Variants in NOX3 observed in about 807,000 individuals in gnomAD.
NOX3 encodes NADPH oxidase 3, also known as NADPH oxidase catalytic subunit-like 3.
In NOX3, 74 loss-of-function variants were observed where a neutral mutation model predicts 76.7. The ratio of observed to expected loss-of-function variants is 0.96; its 90% CI spans 0.80 to 1.17. NOX3 has a LOEUF of 1.17. Among genes scored for constraint, NOX3 ranks in the 50% most tolerant of loss-of-function variants. The pLI is 0.00. For synonymous variants in NOX3, 263 were observed against 261.1 expected (o/e 1.01, Z -0.07); for missense variants, 695 against 703.3 (o/e 0.99, Z 0.13).
chr6:155,447,626 T>TC (rs1333453511), intron 4 of NOX3, among the ~76,000 whole-genome samples: 1 of 152,228 alleles, frequency 6.6e-6, no homozygotes, highest in East Asian at 1.9e-4. Context: ...CACTTTAAAG[T>TC]TCATGTCTTA....
intron 10 of NOX3, among the ~76,000 whole-genome samples, chr6:155,417,211 T>A (rs572615197): frequency 2.0e-5 from 3 of 152,312 alleles, no homozygotes; most frequent in Non-Finnish European, 2.9e-5. Flanking sequence ...TTACACTTCC[T>A]CTGCCTTCTA....
chr6:155,452,234 C>A (rs1035964047), intron 4 of NOX3, among the ~76,000 whole-genome samples: 1 of 152,086 alleles, frequency 6.6e-6, no homozygotes, highest in African/African-American at 2.4e-5. Flanking sequence ...TTTCAAGGTG[C>A]GGAAAAGATT....
At chr6:155,438,568 A>AC (rs1282415073) in intron 6 of NOX3, among the ~76,000 whole-genome samples, 4 of 152,156 alleles carry the variant, frequency 2.6e-5, no homozygotes, top group African/African-American at 9.7e-5. Flanking sequence ...CAGAACTGCC[A>AC]CCCCCTTCCA....
At chr6:155,403,749 C>T (rs763242015) in intron 12 of NOX3, among the ~76,000 whole-genome samples, 3 of 152,160 alleles carry the variant, frequency 2.0e-5, no homozygotes, top group Non-Finnish European at 4.4e-5. Context: ...GCCCACTTCT[C>T]AGCACTGAGT....
chr6:155,429,135 G>A, intron 8 of NOX3, 88 bp from the exon 9 acceptor site: 13 of 1,315,976 alleles, frequency 9.9e-6, no homozygotes, highest in Non-Finnish European at 1.3e-5. Context: ...GAAAATTTTA[G>A]ATCAGCTTGT....
chr6:155,454,666 C>T, intron 3 of NOX3, 145 bp downstream of exon 3: 1 of 583,920 alleles, frequency 1.7e-6, no homozygotes, highest in East Asian at 3.0e-5. Context: ...GTTTTTCTGT[C>T]TTAGCCTTTC....
intron 12 of NOX3, among the ~76,000 whole-genome samples, chr6:155,400,298 C>A (rs1389723927): frequency 6.6e-6 from 1 of 152,178 alleles, no homozygotes; most frequent in African/African-American, 2.4e-5. Context: ...GCCCTTCTCT[C>A]CTTAAATTGT....
intron 12 of NOX3, among the ~76,000 whole-genome samples, chr6:155,398,885 G>C (rs1004102692): frequency 1.3e-5 from 2 of 152,206 alleles, no homozygotes; most frequent in African/African-American, 2.4e-5. Context: ...TGCAGGTCTG[G>C]CCGCTGGTCC....
At chr6:155,427,029 G>GCA (rs1776766776) in intron 9 of NOX3, among the ~76,000 whole-genome samples, 2 of 136,782 alleles carry the variant, frequency 1.5e-5, no homozygotes, top group African/African-American at 5.7e-5. Context: ...GTGTGTGTGT[G>GCA]CTGGGGGGGT....
At chr6:155,429,743 C>T (rs1179332405) in intron 8 of NOX3, among the ~76,000 whole-genome samples, 2 of 152,146 alleles carry the variant, frequency 1.3e-5, no homozygotes, top group African/African-American at 4.8e-5. Flanking sequence ...AAAATCTCTC[C>T]AGGCCCTCCT....
intron 8 of NOX3, 125 bp from the exon 9 acceptor site, chr6:155,429,172 T>A: frequency 1.1e-6 from 1 of 895,262 alleles, no homozygotes; most frequent in Non-Finnish European, 1.6e-6. Flanking sequence ...ATATCCCATC[T>A]GCTGTTAGCT....
chr6:155,439,023 C>T (rs977376814), intron 6 of NOX3, among the ~76,000 whole-genome samples: 1 of 152,182 alleles, frequency 6.6e-6, no homozygotes, highest in Non-Finnish European at 1.5e-5. Flanking sequence ...TAAAGACTGG[C>T]GTCCTGGATC....
chr6:155,433,657 G>A (rs1051909847), intron 7 of NOX3, among the ~76,000 whole-genome samples: 1 of 152,214 alleles, frequency 6.6e-6, no homozygotes, highest in Non-Finnish European at 1.5e-5. Flanking sequence ...TAGCAGCAGA[G>A]TGCTGACAAA....
Position 155,411,282 on chromosome 6 carries a change from T to A in NOX3, c.1387A>T (p.Met463Leu). 1 of 1,613,948 alleles carries A rather than the reference T, an allele frequency of 6.2e-7. No homozygotes were observed. Among genetic ancestry groups the A allele is most frequent in the Non-Finnish European group, 8.5e-7 (1 of 1,179,812 alleles). Reference protein sequence around the residue: ...ADLLLSLETRMSEQGKTHFLS... With the variant: ...ADLLLSLETRLSEQGKTHFLS... ...AAGTGAGTTTTCCCCTGCTCACTCA[T>A]CCGTGTTTCCAGGGAGAGTAAGAGA... The change falls in exon 11 of 14, where the codon ATG becomes TTG. Residue 463 changes from methionine (M) to leucine (L), a missense_variant. Physicochemically the swap from Met to Leu is conservative, Grantham distance 15. Coordinates refer to ENST00000159060, the MANE Select transcript of NOX3 (RefSeq NM_015718.3).
At chr6:155,436,000 C>A (rs1776898828) in intron 7 of NOX3, among the ~76,000 whole-genome samples, 1 of 152,104 alleles carries the variant, frequency 6.6e-6, no homozygotes, top group Non-Finnish European at 1.5e-5. Flanking sequence ...ATAAAGAAGC[C>A]CTGAGCCTCA....
At position 155,411,295 on chromosome 6, in the gene NOX3, G is replaced by T. The variant is rs1487926457; in HGVS notation, c.1374C>A (p.Ser458=). Residue 458 remains serine, a synonymous_variant, in exon 11 of 14, where the codon TCC becomes TCA. Coordinates refer to ENST00000159060, the MANE Select transcript of NOX3 (RefSeq NM_015718.3). ...CCTGCTCACTCATCCGTGTTTCCAG[G>T]GAGAGTAAGAGATCAGCAAACCACT... ...AFEWFADLLL[S]LETRMSEQGK... 52 of 1,613,992 alleles carry T rather than the reference G, an allele frequency of 3.2e-5. No homozygotes were observed. The highest frequency in any genetic ancestry group is 4.2e-5 in the Non-Finnish European group (50 of 1,179,936).
chr6:155,425,511 A>T (rs1213993075), intron 9 of NOX3, among the ~76,000 whole-genome samples: 1 of 152,120 alleles, frequency 6.6e-6, no homozygotes, highest in African/African-American at 2.4e-5. Flanking sequence ...AACTGACTGC[A>T]TTTACTCCTC....
chr6:155,413,580 C>T (rs532913943), intron 10 of NOX3, among the ~76,000 whole-genome samples: 1 of 152,232 alleles, frequency 6.6e-6, no homozygotes, highest in South Asian at 2.1e-4. Flanking sequence ...GTGATGAATA[C>T]CACTATCTGC....
At chr6:155,447,174 A>G (rs1777075702) in intron 4 of NOX3, among the ~76,000 whole-genome samples, 2 of 151,696 alleles carry the variant, frequency 1.3e-5, no homozygotes, top group Admixed American at 1.3e-4. Flanking sequence ...GCCTCTAAGT[A>G]GCTGGGATTA....
Sources: gnomAD v4.1 joint callset for allele counts (sites outside exome capture counted in the v4.1 genomes callset) on GRCh38, gnomAD v4.1.1 for gene constraint, MANE v1.5 for transcripts, NCBI Gene and HGNC (gene_info 2026-07-23, HGNC 2026-07-21) for gene names.